The following PDPK1 variants were observed in gnomAD, a reference collection of about 807,000 sequenced individuals.
The protein encoded by PDPK1 is 3-phosphoinositide dependent protein kinase 1.
Under a neutral mutation model 39.8 loss-of-function variants are expected in PDPK1, and 7 were observed. The observed-to-expected ratio is 0.18, with a 90% CI of 0.10 to 0.33. The LOEUF is 0.33. Ranked by LOEUF, PDPK1 falls within the 10% of genes least tolerant of loss-of-function variation. The pLI is 1.00. For synonymous variants in PDPK1, 118 were observed against 159.1 expected (o/e 0.74, Z 1.95); for missense variants, 182 against 384.7 (o/e 0.47, Z 4.41).
intron 1 of PDPK1, among the ~76,000 whole-genome samples, chr16:2,546,622 G>C (rs747693230): frequency 9.2e-5 from 14 of 152,206 alleles, no homozygotes; most frequent in Non-Finnish European, 1.9e-4. Flanking sequence ...GAACCACCGT[G>C]CCCGGCCTTC....
chr16:2,598,055 C>A lies in PDPK1; in HGVS notation c.*288C>A. 1 of 484,778 alleles carries A rather than the reference C, an allele frequency of 2.1e-6. No homozygotes were observed. Among genetic ancestry groups the A allele is most frequent in the Non-Finnish European group, 3.7e-6 (1 of 267,792 alleles). 30.0% of individuals were successfully genotyped at this position (484,778 alleles called of 1,614,324 possible). On this transcript the variant is annotated 3_prime_UTR_variant, in exon 14 of 14. Transcript: ENST00000342085. ...TGCCGTGGGGACCCAGCTCCATGCACGTCAACCCAGTCCCGCCCAGACTAG... is the reference window on the plus strand; with the variant it reads ...TGCCGTGGGGACCCAGCTCCATGCAAGTCAACCCAGTCCCGCCCAGACTAG...
At chr16:2,539,947 C>G (rs532942638) in intron 1 of PDPK1, among the ~76,000 whole-genome samples, 7 of 152,342 alleles carry the variant, frequency 4.6e-5, no homozygotes, top group African/African-American at 1.7e-4. Flanking sequence ...TGCACAAAAA[C>G]ACTGGAATCC....
At chr16:2,596,980 T>TC in intron 12 of PDPK1, 143 bp from the exon 13 acceptor site, 1 of 482,776 alleles carries the variant, frequency 2.1e-6, no homozygotes, top group Non-Finnish European at 3.6e-6. Context: ...GGGCAGGAAG[T>TC]CCCCTGCCCC....
At chr16:2,550,360 G>GA (rs1171071236) in intron 1 of PDPK1, among the ~76,000 whole-genome samples, 28 of 76,944 alleles carry the variant, frequency 3.6e-4, no homozygotes, top group Non-Finnish European at 3.6e-4. Context: ...CACCCTACTT[G>GA]AAAAACAGGA....
intron 10 of PDPK1, among the ~76,000 whole-genome samples, chr16:2,584,893 A>C (rs914649359): frequency 6.6e-6 from 1 of 151,984 alleles, no homozygotes; most frequent in Non-Finnish European, 1.5e-5. Flanking sequence ...CCTTGCCCCC[A>C]CCCTGTGTGC....
intron 11 of PDPK1, among the ~76,000 whole-genome samples, chr16:2,591,093 G>T (rs1382793846): frequency 2.0e-5 from 3 of 152,040 alleles, no homozygotes; most frequent in African/African-American, 7.2e-5. Context: ...CTCCCGAGGA[G>T]CTGGGATTAC....
rs2067125092 is a variant in PDPK1, at chr16:2,597,388, C to G, written c.1554+113C>G. 3.5e-5 allele frequency: 34 copies of G among 984,082 alleles called. No homozygotes were observed. The South Asian group carries it at 5.2e-4, about 15-fold the overall frequency. The allele number at this position is 984,082 out of a possible 1,614,324, so 61.0% of individuals were successfully genotyped here. A position where few individuals can be genotyped will look rare whatever the true frequency, so the allele number is the denominator to read the frequency against. ...GAGCAGCGGGGATCGGGGCAGCTGC[C>G]TCGCCCTTTCCGACATCCCAGACGC... On this transcript the variant is annotated intron_variant, in intron 13 of 13. Transcript: ENST00000342085. This position sits in a 1 kb window ranked among gnomAD's most constrained non-coding sequence, Gnocchi z 6.3.
At position 2,603,095 on chromosome 16, in the gene PDPK1, T is replaced by G. The variant is rs181213412; in HGVS notation, c.*5328T>G. Reference sequence around the variant, plus strand: ...TTAATGAATCTGTTTATCCTTTTTTTTTTTCCAAATACTTGTGCTTTAGGT... The same window carrying G: ...TTAATGAATCTGTTTATCCTTTTTTGTTTTCCAAATACTTGTGCTTTAGGT... On this transcript the variant is annotated 3_prime_UTR_variant, in exon 14 of 14. Transcript: ENST00000342085. 275 of 227,620 alleles carry G rather than the reference T, an allele frequency of 1.2e-3. 1 individual carries two copies. Among genetic ancestry groups the G allele is most frequent in the Non-Finnish European group, 1.1e-3 (125 of 114,364 alleles). 14.1% of individuals were successfully genotyped at this position (227,620 alleles called of 1,614,324 possible). A position where few individuals can be genotyped will look rare whatever the true frequency, so the allele number is the denominator to read the frequency against.
intron 11 of PDPK1, chr16:2,592,683 A>T (rs919557866): frequency 4.2e-5 from 18 of 423,592 alleles, no homozygotes; most frequent in Admixed American, 3.5e-4. Context: ...TTAAAAAAAA[A>T]AAAAATCAAG....
At chr16:2,542,435 A>C (rs1248772971) in intron 1 of PDPK1, among the ~76,000 whole-genome samples, 1 of 152,238 alleles carries the variant, frequency 6.6e-6, no homozygotes, top group African/African-American at 2.4e-5. Flanking sequence ...CTGGGATTAC[A>C]GGCATGAGCC....
At chr16:2,594,083 C>G (rs1397815333) in intron 11 of PDPK1, 1 of 152,276 alleles carries the variant, frequency 6.6e-6, no homozygotes, top group Non-Finnish European at 1.5e-5. Context: ...CTGCCCAGGT[C>G]TGGGTGGGTC....
rs745520132 is a variant in PDPK1 at position 2,597,646 on chromosome 16, C to T, written c.1555-5C>T. ...GAGAACACTAAACGGCTTCTGTCTT[C>T]GCAGCCTAACAGGACGTATTATCTG... On this transcript the variant is annotated splice_region_variant and splice_polypyrimidine_tract_variant and intron_variant, in intron 13 of 13. Coordinates refer to ENST00000342085, the MANE Select transcript of PDPK1 (RefSeq NM_002613.5). The surrounding 1 kb of genome is among the most constrained non-coding windows in gnomAD (Gnocchi z 6.3). 8.4e-5 allele frequency: 134 copies of T among 1,602,210 alleles called. 1 individual carries two copies. In the South Asian group the frequency reaches 1.1e-3, roughly 13 times the overall value.
In PDPK1 at chr16:2,600,113, T is replaced by C. The variant is rs2142016899; in HGVS notation, c.*2346T>C. The C allele has an allele frequency of 4.3e-6, 1 of 233,256 alleles. No individual in the cohort carries two copies. The highest frequency in any genetic ancestry group is 6.0e-5 in the East Asian group (1 of 16,574). 14.4% of individuals were successfully genotyped at this position (233,256 alleles called of 1,614,324 possible). ...TCTTTCCTTACCCTGTGCTTGCTCA[T>C]GTCTACTCCGGTTTTCTCTACCACA... On this transcript the variant is annotated 3_prime_UTR_variant, in exon 14 of 14. Coordinates refer to ENST00000342085, the MANE Select transcript of PDPK1 (RefSeq NM_002613.5).
chr16:2,589,693 T>C (rs868488064), intron 11 of PDPK1, among the ~76,000 whole-genome samples: 3 of 132,922 alleles, frequency 2.3e-5, no homozygotes, highest in Non-Finnish European at 4.7e-5. Flanking sequence ...TGTCTCAAAA[T>C]TGGAAAAAAA....
chr16:2,589,161 GGCC>G (rs1427890176), intron 11 of PDPK1, among the ~76,000 whole-genome samples: 37 of 152,076 alleles, frequency 2.4e-4, no homozygotes, highest in Non-Finnish European at 3.2e-4. Context: ...TCACCATGTT[GGCC>G]AGTCTGGTTT....
At chr16:2,592,214 A>G (rs2067003379) in intron 11 of PDPK1, among the ~76,000 whole-genome samples, 1 of 152,152 alleles carries the variant, frequency 6.6e-6, no homozygotes, top group Admixed American at 6.5e-5. Flanking sequence ...GCGCTTTGGC[A>G]TCGGGAAAGG....
chr16:2,585,100 C>G (rs1002809702), intron 10 of PDPK1, among the ~76,000 whole-genome samples: 1 of 152,226 alleles, frequency 6.6e-6, no homozygotes, highest in Non-Finnish European at 1.5e-5. Context: ...CTTCAGTTGT[C>G]TCCAGTCTCA....
chr16:2,579,251 G>A (rs2066770932), intron 7 of PDPK1: 2 of 76,966 alleles, frequency 2.6e-5, no homozygotes, highest in Admixed American at 3.1e-4. Context: ...TCAGCATCCC[G>A]AGACCCAGAG....
At chr16:2,594,045 C>T (rs146894043) in intron 11 of PDPK1, 157 of 152,426 alleles carry the variant, frequency 1.0e-3, no homozygotes, top group Non-Finnish European at 1.7e-3. Flanking sequence ...CCTGGGTCCT[C>T]CCTCTTGGGG....
Sources: gnomAD v4.1 joint callset for allele counts (sites outside exome capture counted in the v4.1 genomes callset) on GRCh38, gnomAD v4.1.1 for gene constraint, Gnocchi (gnomAD v3.1) non-coding constraint, MANE v1.5 for transcripts, NCBI Gene and HGNC (gene_info 2026-07-23, HGNC 2026-07-21) for gene names.